The following PLCH1 variants were observed in gnomAD, a reference collection of about 807,000 sequenced individuals.
PLCH1 encodes the protein 1-phosphatidylinositol 4,5-bisphosphate phosphodiesterase eta-1.
A neutral mutation model predicts 126.7 loss-of-function variants in PLCH1; 60 were observed. That is an observed-to-expected ratio of 0.47 (90% CI 0.38 to 0.59). The LOEUF is 0.59. PLCH1 is among the 20% of genes least tolerant of loss of function. The pLI, the probability that PLCH1 is intolerant of heterozygous loss-of-function variation, is 0.00. For synonymous variants in PLCH1, 719 were observed against 734.9 expected, an observed-to-expected ratio of 0.98 and a Z score of 0.35; for missense variants, 1,723 against 2,040.0, an observed-to-expected ratio of 0.84 and a Z score of 2.99.
chr3:155,560,271 T>G (rs1481101766), intron 8 of PLCH1, among the ~76,000 whole-genome samples: 1 of 152,202 alleles, frequency 6.6e-6, no homozygotes, highest in Non-Finnish European at 1.5e-5. Flanking sequence ...TGAGGCTGTG[T>G]GCTCAGGGCA....
At chr3:155,716,291 G>A (rs990958023) in intron 1 of PLCH1, among the ~76,000 whole-genome samples, 4 of 152,192 alleles carry the variant, frequency 2.6e-5, no homozygotes, top group Non-Finnish European at 5.9e-5. Flanking sequence ...GTTCTAGTGT[G>A]TTTGAAAAGA....
At chr3:155,642,656 A>C (rs1322339554) in intron 2 of PLCH1, among the ~76,000 whole-genome samples, 2 of 152,224 alleles carry the variant, frequency 1.3e-5, no homozygotes, top group Non-Finnish European at 2.9e-5. Context: ...GACTTTAAAC[A>C]TGCAGAAGAG....
intron 10 of PLCH1, among the ~76,000 whole-genome samples, chr3:155,532,500 C>T (rs1057508806): frequency 1.4e-4 from 22 of 152,094 alleles, no homozygotes; most frequent in African/African-American, 4.3e-4. Flanking sequence ...ATAATACCCA[C>T]GTGACTAGGG....
chr3:155,568,754 C>CTGTGTGTGTGTG (rs3068946), intron 6 of PLCH1, among the ~76,000 whole-genome samples: 4,490 of 147,236 alleles, frequency 0.03, 84 homozygotes, highest in African/African-American at 0.062. Context: ...AAATGTACCT[C>CTGTGTGTGTGTG]TGTGTGTGTG....
intron 9 of PLCH1, among the ~76,000 whole-genome samples, chr3:155,550,692 C>A (rs772682919): frequency 6.6e-6 from 1 of 152,144 alleles, no homozygotes; most frequent in African/African-American, 2.4e-5. Flanking sequence ...ATTTTTTCCT[C>A]AGAATAAGAA....
At chr3:155,538,060 C>T (rs535441593) in intron 10 of PLCH1, among the ~76,000 whole-genome samples, 41 of 151,870 alleles carry the variant, frequency 2.7e-4, no homozygotes, top group Non-Finnish European at 4.3e-4. Context: ...TCTAGGATCA[C>T]GGTGGAATAA....
intron 2 of PLCH1, among the ~76,000 whole-genome samples, chr3:155,618,358 C>T (rs3908140): frequency 0.51 from 77,628 of 151,982 alleles, 22,890 homozygotes; most frequent in African/African-American, 0.8. Flanking sequence ...GCTACTACCT[C>T]TTTCCTGAGG....
intron 6 of PLCH1, among the ~76,000 whole-genome samples, chr3:155,572,438 T>C (rs911429229): frequency 1.1e-4 from 17 of 152,178 alleles, no homozygotes; most frequent in Non-Finnish European, 1.5e-4. Context: ...TAGTTTAGTT[T>C]AGTTTTCTCT....
At chr3:155,471,819 G>T (rs1396305415) in intron 21 of PLCH1, among the ~76,000 whole-genome samples, 1 of 152,172 alleles carries the variant, frequency 6.6e-6, no homozygotes, top group Admixed American at 6.5e-5. Context: ...ACCTGCTCAT[G>T]AATAACTACT....
At position 155,579,077 on chromosome 3, in the gene PLCH1, T is replaced by C. The variant is rs143816049; in HGVS notation, c.771+4395A>G. ...CTGTCCACTCTTCATCAAACTAGCA[T>C]AAGAAATACACAGGTTTGCCTAACT... On this transcript the variant is annotated intron_variant, in intron 6 of 22. Coordinates refer to ENST00000460012, the MANE Select transcript of PLCH1 (RefSeq NM_014996.4). 1.1e-4 allele frequency among the ~76,000 whole-genome samples: 16 copies of C among 152,328 alleles called. No homozygotes were observed. The East Asian group carries it at 3.1e-3, about 29-fold the overall frequency.
intron 21 of PLCH1, chr3:155,487,091 T>C (rs1367783312): frequency 2.6e-5 from 4 of 152,172 alleles, no homozygotes; most frequent in Non-Finnish European, 5.9e-5. Context: ...TGCTGACAGA[T>C]ATGAAAATAA....
intron 2 of PLCH1, among the ~76,000 whole-genome samples, chr3:155,647,512 A>C (rs949724838): frequency 3.3e-5 from 5 of 152,044 alleles, no homozygotes; most frequent in African/African-American, 1.2e-4. Context: ...AGATCAACAA[A>C]GCAGCCAAGT....
intron 1 of PLCH1, among the ~76,000 whole-genome samples, chr3:155,719,855 G>A (rs1559961795): frequency 6.6e-6 from 1 of 151,610 alleles, no homozygotes; most frequent in African/African-American, 2.4e-5. Flanking sequence ...GAGTGCAGTG[G>A]CGCAATCTTG....
At chr3:155,692,972 CG>C (rs1745515591) in intron 2 of PLCH1, among the ~76,000 whole-genome samples, 1 of 151,788 alleles carries the variant, frequency 6.6e-6, no homozygotes, top group Non-Finnish European at 1.5e-5. Context: ...TTAGTAGAGA[CG>C]GGGTTTCACC....
intron 1 of PLCH1, among the ~76,000 whole-genome samples, chr3:155,725,503 G>A (rs1423314357): frequency 2.0e-5 from 3 of 147,710 alleles, no homozygotes; most frequent in East Asian, 4.1e-4. Context: ...GCTGGAGTAC[G>A]ATAGTGCGAT....
chr3:155,458,433 GGAAGGAAGGAAGGAAGGAAGGAAA>G (rs1310189486), intron 21 of PLCH1, among the ~76,000 whole-genome samples: 275 of 78,166 alleles, frequency 3.5e-3, no homozygotes, highest in Admixed American at 0.012. Context: ...AAGGAAGGAA[GGAAGGAAGGAAGGAAGGAAGGAAA>G]GAAAGAAAGA....
At chr3:155,712,062 G>A (rs1747160963) in intron 1 of PLCH1, among the ~76,000 whole-genome samples, 1 of 152,164 alleles carries the variant, frequency 6.6e-6, no homozygotes, top group Admixed American at 6.5e-5. Context: ...TTAGTTTTGT[G>A]TAAGCCACAT....
chr3:155,711,279 G>T (rs1272929098), intron 1 of PLCH1, among the ~76,000 whole-genome samples: 1 of 152,092 alleles, frequency 6.6e-6, no homozygotes, highest in Non-Finnish European at 1.5e-5. Context: ...AGTAACTTTT[G>T]TAATCTTGTA....
At chr3:155,590,905 C>T (rs1272916039) in intron 4 of PLCH1, among the ~76,000 whole-genome samples, 4 of 152,116 alleles carry the variant, frequency 2.6e-5, no homozygotes, top group Non-Finnish European at 4.4e-5. Context: ...TTTATTCCTT[C>T]ACTGACACAA....
Sources: allele counts gnomAD v4.1 joint callset (sites outside exome capture counted in the v4.1 genomes callset), GRCh38; gene constraint gnomAD v4.1.1; transcripts MANE v1.5; gene names NCBI Gene and HGNC (gene_info 2026-07-23, HGNC 2026-07-21).